EVC: variants seen among roughly 807,000 people sequenced by gnomAD.
EVC encodes the protein EvC ciliary complex subunit 1.
EVC carries 116 observed loss-of-function variants against 118.9 expected under a neutral mutation model. The ratio of observed to expected loss-of-function variants is 0.98; its 90% CI spans 0.84 to 1.14. EVC has a LOEUF of 1.14. Among genes scored for constraint, EVC ranks in the 50% most tolerant of loss-of-function variants. The probability of loss-of-function intolerance (pLI) is 0.00; values close to 1 mark genes in which losing one functional copy is unlikely to be tolerated. For synonymous variants in EVC, 619 were observed against 534.7 expected, an observed-to-expected ratio of 1.16 and a Z score of -2.18; for missense variants, 1,401 against 1,246.4, an observed-to-expected ratio of 1.12 and a Z score of -1.87.
chr4:5,730,061 G>C (rs147304924), intron 3 of EVC, among the ~76,000 whole-genome samples: 5 of 152,176 alleles, frequency 3.3e-5, no homozygotes, highest in Non-Finnish European at 5.9e-5. Context: ...AGGATGACGA[G>C]CTCTGGAGTC....
At chr4:5,725,126 G>T (rs1303353295) in intron 2 of EVC, among the ~76,000 whole-genome samples, 1 of 152,114 alleles carries the variant, frequency 6.6e-6, no homozygotes, top group Non-Finnish European at 1.5e-5. Flanking sequence ...CACTCTATCA[G>T]TGATGGGCTT....
chr4:5,748,550 GCCCTCCCACCCATT>G (rs1560330277), intron 8 of EVC, among the ~76,000 whole-genome samples: 35 of 40,078 alleles, frequency 8.7e-4, no homozygotes, highest in African/African-American at 6.0e-3. Flanking sequence ...CCATCCATCT[GCCCTCCCACCCATT>G]TATCCATCCA....
rs138612763 is a variant in EVC, at chr4:5,755,403, T to A, written c.1465-861T>A. ...ATGCGTGCCTGAATGAACCAGGACA[T>A]GGACAAATGGGCAAACGAGCGAATG... On this transcript the variant is annotated intron_variant, in intron 10 of 20. Transcript: ENST00000264956. This position sits in a 1 kb window ranked among gnomAD's most constrained non-coding sequence, Gnocchi z 4.1. Among the ~76,000 whole-genome samples, 1 of 151,100 alleles carries A rather than the reference T, an allele frequency of 6.6e-6. No individual in the cohort carries two copies. The highest frequency in any genetic ancestry group is 2.0e-4 in the East Asian group (1 of 5,120).
chr4:5,815,523 C>G (rs538289968), downstream of EVC, among the ~76,000 whole-genome samples: 3 of 152,182 alleles, frequency 2.0e-5, no homozygotes, highest in Non-Finnish European at 4.4e-5. Context: ...GGGAACGAAT[C>G]GATCCAGAGG....
chr4:5,805,039 T>C (rs1715645777), intron 17 of EVC, among the ~76,000 whole-genome samples, 198 bp downstream of exon 17: 1 of 151,892 alleles, frequency 6.6e-6, no homozygotes, highest in Non-Finnish European at 1.5e-5. Context: ...CACAAATGAG[T>C]GAGCAGGTCA....
intron 11 of EVC, chr4:5,758,118 CTGTT>C (rs2152106163): frequency 2.8e-6 from 2 of 702,334 alleles, no homozygotes; most frequent in East Asian, 5.4e-5. Context: ...GGGAAGGAGG[CTGTT>C]TGAAGACAGA....
At position 5,746,281 on chromosome 4, in the gene EVC, G is replaced by A. The variant is rs1409820844; in HGVS notation, c.939+940G>A. ...GCCCAGGCACTGAGTGGAGGGTGGT[G>A]AAGAGCTACTGGGCTAATCCAGCAG... On this transcript the variant is annotated intron_variant, in intron 7 of 20. Transcript: ENST00000264956. This position sits in a 1 kb window ranked among gnomAD's most constrained non-coding sequence, Gnocchi z 5.8. 6.6e-6 allele frequency among the ~76,000 whole-genome samples: 1 copy of A among 152,224 alleles called. No homozygotes were observed. The highest frequency in any genetic ancestry group is 6.5e-5 in the Admixed American group (1 of 15,290).
chr4:5,729,703 C>T (rs1303169830), intron 3 of EVC, among the ~76,000 whole-genome samples: 1 of 152,172 alleles, frequency 6.6e-6, no homozygotes, highest in Non-Finnish European at 1.5e-5. Flanking sequence ...TCCTCATTCA[C>T]AGAGCCCTGG....
intron 13 of EVC, among the ~76,000 whole-genome samples, chr4:5,795,368 G>A (rs772428904): frequency 6.6e-6 from 1 of 152,064 alleles, no homozygotes. Context: ...GAAGAGGATG[G>A]AGGCTGGGTG....
the EVC span, among the ~76,000 whole-genome samples, chr4:5,823,284 C>T: frequency 6.6e-6 from 1 of 152,182 alleles, no homozygotes; most frequent in Non-Finnish European, 1.5e-5. Flanking sequence ...ACAGTAGTGA[C>T]TTTTCTTTTC....
In EVC at chr4:5,813,075, G is replaced by A. The variant is rs188057028; in HGVS notation, c.*2038G>A. The stretch of plus-strand genomic sequence containing the variant: ...CAGTGGCCAAAACTTAATCATCAGA[G>A]CGCTTCCTTCAGTTCCTCACCCATC... On this transcript the variant is annotated 3_prime_UTR_variant, in exon 21 of 21. Coordinates refer to ENST00000264956, the MANE Select transcript of EVC (RefSeq NM_153717.3). 6.6e-6 allele frequency: 1 copy of A among 152,302 alleles called. No homozygotes were observed. The highest frequency in any genetic ancestry group is 6.5e-5 in the Admixed American group (1 of 15,300). 9.4% of individuals were successfully genotyped at this position (152,302 alleles called of 1,614,324 possible).
chr4:5,808,860 A>G (rs1302813635), intron 18 of EVC, among the ~76,000 whole-genome samples: 1 of 152,232 alleles, frequency 6.6e-6, no homozygotes, highest in South Asian at 2.1e-4. Context: ...CCTTTAAAAA[A>G]ATCAAATCTT....
intron 1 of EVC, among the ~76,000 whole-genome samples, chr4:5,716,697 A>C (rs1189892566): frequency 6.6e-6 from 1 of 152,206 alleles, no homozygotes; most frequent in Non-Finnish European, 1.5e-5. Flanking sequence ...GTTTTAGGCG[A>C]CTATTACCTT....
intron 11 of EVC, among the ~76,000 whole-genome samples, chr4:5,778,099 T>G (rs1164829687): frequency 2.0e-5 from 3 of 151,680 alleles, no homozygotes; most frequent in Non-Finnish European, 4.4e-5. Context: ...TTTGGTTTTT[T>G]GTTCTTGCGA....
At chr4:5,819,524 A>G in the EVC span, among the ~76,000 whole-genome samples, 5 of 152,150 alleles carry the variant, frequency 3.3e-5, no homozygotes, top group African/African-American at 1.2e-4. Context: ...AAAGTTCGAC[A>G]TGGGCTCTAG....
rs11735282 is a variant in EVC at position 5,714,046 on chromosome 4, G to A, written c.174+2492G>A. 7.2e-3 allele frequency among the ~76,000 whole-genome samples: 1,103 copies of A among 152,252 alleles called. 7 individuals carry two copies. Among genetic ancestry groups the A allele is most frequent in the Non-Finnish European group, 0.013 (880 of 68,028 alleles). ...GCTCTCCAGCCACTCAAGACACCTC[G>A]CTGTTCCCCGTACACCTCTGCACTT... On this transcript the variant is annotated intron_variant, in intron 1 of 20. Coordinates refer to ENST00000264956, the MANE Select transcript of EVC (RefSeq NM_153717.3).
chr4:5,711,954 G>T (rs534544435), intron 1 of EVC, among the ~76,000 whole-genome samples: 47 of 152,278 alleles, frequency 3.1e-4, no homozygotes, highest in African/African-American at 1.1e-3. Flanking sequence ...TGCGGTGTGG[G>T]TTACGTCGCC....
chr4:5,800,522 G>A (rs1714778561), intron 15 of EVC, among the ~76,000 whole-genome samples: 1 of 152,196 alleles, frequency 6.6e-6, no homozygotes, highest in Non-Finnish European at 1.5e-5. Context: ...GGGTGGCCAA[G>A]GATGGAGGGC....
intron 11 of EVC, among the ~76,000 whole-genome samples, chr4:5,780,445 C>G (rs539908266): frequency 6.6e-6 from 1 of 152,272 alleles, no homozygotes; most frequent in South Asian, 2.1e-4. Flanking sequence ...TTCTCTGTGC[C>G]TCAGTTTCCT....
Sources: gnomAD v4.1 joint callset for allele counts (sites outside exome capture counted in the v4.1 genomes callset) on GRCh38, gnomAD v4.1.1 for gene constraint, Gnocchi (gnomAD v3.1) non-coding constraint, MANE v1.5 for transcripts, NCBI Gene and HGNC (gene_info 2026-07-23, HGNC 2026-07-21) for gene names.